ACSS2: variants seen among roughly 807,000 people sequenced by gnomAD.
ACSS2 encodes the protein acyl-CoA synthetase short chain family member 2, also known as acetyl-coenzyme A synthetase, cytoplasmic.
In ACSS2, 58 loss-of-function variants were observed where a neutral mutation model predicts 90.6. The observed-to-expected ratio is 0.64, with a 90% CI of 0.52 to 0.80. The LOEUF is 0.80. Ranked by LOEUF, ACSS2 falls within the 30% of genes least tolerant of loss-of-function variation. The pLI, the probability that ACSS2 is intolerant of heterozygous loss-of-function variation, is 0.00. For synonymous variants in ACSS2, 300 were observed against 330.9 expected (o/e 0.91, Z 1.01); for missense variants, 759 against 912.0 (o/e 0.83, Z 2.16).
At chr20:34,920,383 G>C (rs1185778937) in intron 8 of ACSS2, 156 bp from the exon 9 acceptor site, 6 of 661,830 alleles carry the variant, frequency 9.1e-6, no homozygotes, top group African/African-American at 5.4e-5. Flanking sequence ...TGGGAGCATG[G>C]AGAAAAGGAG....
intron 2 of ACSS2, among the ~76,000 whole-genome samples, chr20:34,889,341 C>T (rs913482606): frequency 1.3e-5 from 2 of 152,014 alleles, no homozygotes; most frequent in Admixed American, 6.6e-5. Context: ...CCAGGATGGT[C>T]TCTATCTCTT....
chr20:34,911,822 C>CT (rs968869855), intron 2 of ACSS2, among the ~76,000 whole-genome samples: 13 of 151,320 alleles, frequency 8.6e-5, no homozygotes, highest in Admixed American at 4.6e-4. Context: ...CTTATTTCTT[C>CT]TTTTTTTTGT....
chr20:34,919,445 A>G lies in ACSS2; in HGVS notation c.845A>G (p.Asn282Ser). Residue 282 changes from asparagine to serine, a missense_variant, in exon 8 of 18, where the codon AAC (asparagine) becomes AGC (serine). Coordinates refer to ENST00000360596, the MANE Select transcript of ACSS2 (RefSeq NM_018677.4). ...TGCCCATCCCTGCAGATCTCATGGA[A>G]CCAAGGGATTGACTTGTGGTGGCAT... Reference protein sequence around the residue: ...RSCPDVQISWNQGIDLWWHEL... With the variant: ...RSCPDVQISWSQGIDLWWHEL... 6.2e-7 allele frequency: 1 copy of G among 1,613,742 alleles called. No homozygotes were observed. Among genetic ancestry groups the G allele is most frequent in the South Asian group, 1.1e-5 (1 of 91,050 alleles).
At chr20:34,920,170 T>G (rs1309575344) in intron 8 of ACSS2, among the ~76,000 whole-genome samples, 1 of 152,200 alleles carries the variant, frequency 6.6e-6, no homozygotes, top group Non-Finnish European at 1.5e-5. Context: ...GCAAAGGGAA[T>G]TATCTTTTTT....
intron 2 of ACSS2, among the ~76,000 whole-genome samples, chr20:34,899,935 T>A (rs879370386): frequency 2.0e-5 from 3 of 152,212 alleles, no homozygotes; most frequent in Non-Finnish European, 4.4e-5. Context: ...AGCTAGGAGT[T>A]TAATTGCTGA....
At chr20:34,918,026 G>A (rs1038563665) in intron 7 of ACSS2, among the ~76,000 whole-genome samples, 1 of 151,972 alleles carries the variant, frequency 6.6e-6, no homozygotes, top group South Asian at 2.1e-4. Flanking sequence ...CAAAGTGCTG[G>A]GATTACAGGC....
chr20:34,877,818 CAAAAAAAAAAAAAAAAAAAAAA>C (rs60819156), intron 1 of ACSS2, among the ~76,000 whole-genome samples: 1 of 91,222 alleles, frequency 1.1e-5, no homozygotes, highest in Non-Finnish European at 2.0e-5. Flanking sequence ...GACTTTGTCT[CAAAAAAAAAAAAAAAAAAAAAA>C]AAAAAAAAAG....
At chr20:34,906,457 A>T (rs2080808778) in intron 2 of ACSS2, among the ~76,000 whole-genome samples, 1 of 152,120 alleles carries the variant, frequency 6.6e-6, no homozygotes, top group Non-Finnish European at 1.5e-5. Context: ...TATGTCAGAG[A>T]AAGAAGACAC....
rs1419595965 is a variant in ACSS2 at position 34,912,061 on chromosome 20, AC to A, written c.375-1033del. ...TCAAACTCCTGACTTCAGGTCATCT[AC>A]CTGCCTCAGTCTCCTAGTGTGTTGG... On this transcript the variant is annotated intron_variant, in intron 2 of 17. Coordinates refer to ENST00000360596, the MANE Select transcript of ACSS2 (RefSeq NM_018677.4). Among the ~76,000 whole-genome samples, 6 of 151,214 alleles carry A rather than the reference AC, an allele frequency of 4.0e-5. No homozygotes were observed. In the East Asian group the frequency reaches 1.2e-3, roughly 30 times the overall value.
At chr20:34,912,758 T>C (rs1220240280) in intron 2 of ACSS2, among the ~76,000 whole-genome samples, 1 of 152,258 alleles carries the variant, frequency 6.6e-6, no homozygotes, top group African/African-American at 2.4e-5. Context: ...GCAGTCTTGA[T>C]GCCTCATCAG....
At chr20:34,911,683 C>T (rs1006297995) in intron 2 of ACSS2, among the ~76,000 whole-genome samples, 16 of 152,064 alleles carry the variant, frequency 1.1e-4, no homozygotes, top group Admixed American at 5.2e-4. Flanking sequence ...TATCATTCTG[C>T]TCTATTTATA....
chr20:34,879,005 C>T (rs2079997644), intron 1 of ACSS2, among the ~76,000 whole-genome samples: 2 of 149,920 alleles, frequency 1.3e-5, no homozygotes, highest in South Asian at 4.2e-4. Context: ...CCCGGGTTCA[C>T]GCCATTCTCC....
intron 15 of ACSS2, 111 bp downstream of exon 15, chr20:34,925,877 A>T (rs2081307716): frequency 1.6e-6 from 2 of 1,287,530 alleles, no homozygotes; most frequent in Admixed American, 2.2e-5. Flanking sequence ...CCATGTACTA[A>T]GTGTAGCATT....
At position 34,913,095 on chromosome 20, in the gene ACSS2, G is replaced by C. The variant is rs2080998927; in HGVS notation, c.375-1G>C. ...CACTGGTTCTTTCTGGTATGTCTCAGGGAGGGCAATGAGCCAGGGGAGACC... is the reference window on the plus strand; with the variant it reads ...CACTGGTTCTTTCTGGTATGTCTCACGGAGGGCAATGAGCCAGGGGAGACC... On this transcript the variant is annotated splice_acceptor_variant, in intron 2 of 17. Coordinates refer to ENST00000360596, the MANE Select transcript of ACSS2 (RefSeq NM_018677.4). LOFTEE classifies it high-confidence loss of function. 6.2e-7 allele frequency: 1 copy of C among 1,613,080 alleles called. No homozygotes were observed. Among genetic ancestry groups the C allele is most frequent in the Non-Finnish European group, 8.5e-7 (1 of 1,179,162 alleles).
chr20:34,893,362 C>A (rs995386837), intron 2 of ACSS2, among the ~76,000 whole-genome samples: 6 of 151,754 alleles, frequency 4.0e-5, no homozygotes, highest in African/African-American at 1.5e-4. Context: ...CCAACACAAT[C>A]AGCGAATTTT....
intron 7 of ACSS2, among the ~76,000 whole-genome samples, chr20:34,915,422 A>G (rs1323631802): frequency 6.6e-6 from 1 of 152,180 alleles, no homozygotes; most frequent in Non-Finnish European, 1.5e-5. Context: ...GTGAAATTAA[A>G]TGTCCGTTAC....
intron 7 of ACSS2, among the ~76,000 whole-genome samples, chr20:34,918,462 G>A (rs2081123583): frequency 6.6e-6 from 1 of 152,182 alleles, no homozygotes; most frequent in Non-Finnish European, 1.5e-5. Context: ...AGAAGTTTCA[G>A]GATGACAGAT....
chr20:34,913,150 C>T lies in ACSS2; in HGVS notation c.429C>T (p.Val143=), dbSNP rs745607403. Residue 143 remains valine, a synonymous_variant, in exon 3 of 18, where the codon GTC becomes GTT. Coordinates refer to ENST00000360596, the MANE Select transcript of ACSS2 (RefSeq NM_018677.4). ...AGATCACATACCATCAGCTTCTGGT[C>T]CAAGTGTGTCAGTTCAGCAATGTTC... ...TTQITYHQLL[V]QVCQFSNVLR... is the part of the protein sequence containing the mutation. 1 of 1,614,074 alleles carries T rather than the reference C, an allele frequency of 6.2e-7. No individual in the cohort carries two copies. The highest frequency in any genetic ancestry group is 8.5e-7 in the Non-Finnish European group (1 of 1,180,030).
chr20:34,891,511 A>G (rs1344839029), intron 2 of ACSS2, among the ~76,000 whole-genome samples: 2 of 152,208 alleles, frequency 1.3e-5, no homozygotes, highest in African/African-American at 4.8e-5. Flanking sequence ...ATTTTCTATA[A>G]TGATGTTGAC....
Sources: allele counts gnomAD v4.1 joint callset (sites outside exome capture counted in the v4.1 genomes callset), GRCh38; gene constraint gnomAD v4.1.1; transcripts MANE v1.5; gene names NCBI Gene and HGNC (gene_info 2026-07-23, HGNC 2026-07-21).